NECTIN3: variants seen among roughly 807,000 people sequenced by gnomAD.
NECTIN3 encodes the protein nectin cell adhesion molecule 3.
In NECTIN3, 8 loss-of-function variants were observed where a neutral mutation model predicts 49.4. The observed-to-expected ratio is 0.16, with a 90% CI of 0.10 to 0.29. The LOEUF is 0.29. Ranked by LOEUF, NECTIN3 falls within the 10% of genes least tolerant of loss-of-function variation. The pLI, the probability that NECTIN3 is intolerant of heterozygous loss-of-function variation, is 1.00. For missense variants in NECTIN3, 581 were observed against 654.6 expected, an observed-to-expected ratio of 0.89 and a Z score of 1.23; for synonymous variants, 277 against 241.1, an observed-to-expected ratio of 1.15 and a Z score of -1.38.
At chr3:111,150,077 G>GT (rs1433627537) in intron 7 of NECTIN3, among the ~76,000 whole-genome samples, 5 of 152,126 alleles carry the variant, frequency 3.3e-5, no homozygotes, top group African/African-American at 9.6e-5. Context: ...GAAAGAAAAT[G>GT]TAAGTCTTTT....
At chr3:111,168,786 T>C (rs895869748) in intron 7 of NECTIN3, among the ~76,000 whole-genome samples, 86 of 152,352 alleles carry the variant, frequency 5.6e-4, no homozygotes, top group African/African-American at 2.0e-3. Flanking sequence ...CAATCGAGGA[T>C]AGGAGCATGC....
intron 1 of NECTIN3, among the ~76,000 whole-genome samples, chr3:111,102,113 T>G (rs1474537110): frequency 1.3e-5 from 2 of 152,138 alleles, no homozygotes; most frequent in African/African-American, 4.8e-5. Flanking sequence ...GGAAAATAAA[T>G]TACCTGCACC....
chr3:111,133,303 T>A (rs2034457110), intron 5 of NECTIN3, among the ~76,000 whole-genome samples: 1 of 152,046 alleles, frequency 6.6e-6, no homozygotes, highest in South Asian at 2.1e-4. Flanking sequence ...AATAGGACAC[T>A]TAAGTAATAC....
chr3:111,077,195 A>G, intron 1 of NECTIN3: 1 of 442,932 alleles, frequency 2.3e-6, no homozygotes, highest in Non-Finnish European at 4.6e-6. Context: ...TATGGCATCC[A>G]GGAGATTGTT....
chr3:111,179,642 C>A (rs1369235956), intron 7 of NECTIN3, among the ~76,000 whole-genome samples: 1 of 152,086 alleles, frequency 6.6e-6, no homozygotes, highest in Non-Finnish European at 1.5e-5. Flanking sequence ...CACCTGTAAT[C>A]CCAGCACTTT....
At chr3:111,165,528 A>T (rs1462957053) in intron 7 of NECTIN3, among the ~76,000 whole-genome samples, 1 of 152,184 alleles carries the variant, frequency 6.6e-6, no homozygotes, top group Non-Finnish European at 1.5e-5. Context: ...TCTTTTAAGG[A>T]AATGTAAGGA....
At chr3:111,150,158 G>T (rs2034970425) in intron 7 of NECTIN3, among the ~76,000 whole-genome samples, 1 of 151,960 alleles carries the variant, frequency 6.6e-6, no homozygotes, top group Non-Finnish European at 1.5e-5. Context: ...CCGTGAAATG[G>T]ATATTTATTT....
chr3:111,097,912 G>A (rs2032682763), intron 1 of NECTIN3, among the ~76,000 whole-genome samples: 1 of 152,132 alleles, frequency 6.6e-6, no homozygotes, highest in East Asian at 1.9e-4. Flanking sequence ...AAATGAAGCT[G>A]CTCTGACAGA....
At chr3:111,125,662 T>C (rs973952408) in intron 4 of NECTIN3, among the ~76,000 whole-genome samples, 1 of 152,200 alleles carries the variant, frequency 6.6e-6, no homozygotes, top group Non-Finnish European at 1.5e-5. Context: ...TTTGCTGTTT[T>C]AGAAACTATC....
At chr3:111,100,272 C>T (rs751617132) in intron 1 of NECTIN3, among the ~76,000 whole-genome samples, 4 of 152,022 alleles carry the variant, frequency 2.6e-5, no homozygotes, top group Admixed American at 6.6e-5. Context: ...GTCTTTAAAG[C>T]GCCAGTTCCT....
At chr3:111,164,949 A>G (rs949608084) in intron 7 of NECTIN3, among the ~76,000 whole-genome samples, 3 of 152,250 alleles carry the variant, frequency 2.0e-5, no homozygotes, top group Non-Finnish European at 2.9e-5. Flanking sequence ...AAGACATTTC[A>G]TGCCTGTTTC....
At chr3:111,083,366 G>A (rs1484334475) in intron 1 of NECTIN3, among the ~76,000 whole-genome samples, 1 of 152,174 alleles carries the variant, frequency 6.6e-6, no homozygotes. Context: ...GTGTTAGGGG[G>A]CATAGGGCCT....
At chr3:111,186,547 A>G (rs2035723211) in intron 7 of NECTIN3, among the ~76,000 whole-genome samples, 1 of 152,210 alleles carries the variant, frequency 6.6e-6, no homozygotes, top group African/African-American at 2.4e-5. Flanking sequence ...TACACGTTAT[A>G]CAAAAAATCA....
At chr3:111,080,749 G>T (rs2031544493) in intron 1 of NECTIN3, among the ~76,000 whole-genome samples, 1 of 151,582 alleles carries the variant, frequency 6.6e-6, no homozygotes, top group Non-Finnish European at 1.5e-5. Flanking sequence ...ACAACCATGT[G>T]CTAGGGAGTA....
At chr3:111,077,115 C>G in intron 1 of NECTIN3, 2 of 323,404 alleles carry the variant, frequency 6.2e-6, no homozygotes, top group Non-Finnish European at 1.3e-5. Flanking sequence ...ATAGCCATAT[C>G]GCAGGTATTA....
At chr3:111,172,200 C>T (rs2035446793) in intron 7 of NECTIN3, among the ~76,000 whole-genome samples, 1 of 152,070 alleles carries the variant, frequency 6.6e-6, no homozygotes, top group African/African-American at 2.4e-5. Context: ...TTCTAACTTC[C>T]TCATTTTAGT....
intron 5 of NECTIN3, among the ~76,000 whole-genome samples, chr3:111,144,485 T>G (rs1164584002): frequency 2.0e-5 from 3 of 151,966 alleles, no homozygotes; most frequent in Non-Finnish European, 4.4e-5. Context: ...GTTAATAAAT[T>G]TTTTTATTTT....
In NECTIN3 at chr3:111,133,743, C is replaced by G; in HGVS notation, c.1178C>G (p.Thr393Ser). The part of the protein sequence containing the change: ...EPKKLPFPLS[T>S]LATIKDDTIA... ...AAAAAATTGCCCTTCCCATTGTCAA[C>G]TTTGGCAACAATTAAGGATGACACA... The change falls in exon 6 of 6, where the codon ACT (threonine) becomes AGT (serine). Residue 393 changes from threonine to serine, a missense_variant. This residue lies in a region of NECTIN3 where 238 missense variants were observed against 244.9 expected (regional missense o/e 0.97). Transcript: ENST00000485303. 2 of 1,613,994 alleles carry G rather than the reference C, an allele frequency of 1.2e-6. No homozygotes were observed. Among genetic ancestry groups the G allele is most frequent in the Non-Finnish European group, 1.7e-6 (2 of 1,179,892 alleles).
chr3:111,166,076 T>C (rs1316584540), intron 7 of NECTIN3, among the ~76,000 whole-genome samples: 1 of 152,196 alleles, frequency 6.6e-6, no homozygotes, highest in African/African-American at 2.4e-5. Flanking sequence ...GCCCGAGGTC[T>C]GCTGCAAGTT....
Sources: gnomAD v4.1 joint callset for allele counts (sites outside exome capture counted in the v4.1 genomes callset) on GRCh38, gnomAD v4.1.1 for gene constraint, gnomAD v4.1.1 regional missense constraint, MANE v1.5 for transcripts, NCBI Gene and HGNC (gene_info 2026-07-23, HGNC 2026-07-21) for gene names.